Variants in SNX29 observed in about 807,000 individuals in gnomAD.
SNX29 encodes the protein sorting nexin-29.
SNX29 carries 78 observed loss-of-function variants against 102.1 expected under a neutral mutation model. That is an observed-to-expected ratio of 0.76 (90% confidence interval 0.64 to 0.92). SNX29 has a LOEUF of 0.92. Ranked by LOEUF, SNX29 falls within the 40% of genes least tolerant of loss-of-function variation. The pLI is 0.00. For synonymous variants in SNX29, 580 were observed against 414.5 expected (o/e 1.40, Z -4.85); for missense variants, 1,280 against 1,061.7 (o/e 1.21, Z -2.86).
chr16:12,561,968 CAG>C (rs531021961), intron 20 of SNX29, among the ~76,000 whole-genome samples: 6 of 152,262 alleles, frequency 3.9e-5, no homozygotes, highest in East Asian at 3.9e-4. Flanking sequence ...ATGATGTCCC[CAG>C]AGTGTCTACC....
chr16:12,471,633 A>C (rs957922694), intron 18 of SNX29, among the ~76,000 whole-genome samples: 1 of 152,204 alleles, frequency 6.6e-6, no homozygotes, highest in Non-Finnish European at 1.5e-5. Flanking sequence ...TGGCTTAGAC[A>C]TCCCTGCCCC....
At chr16:12,567,994 T>C (rs561543075) in intron 20 of SNX29, among the ~76,000 whole-genome samples, 1 of 152,310 alleles carries the variant, frequency 6.6e-6, no homozygotes, top group Admixed American at 6.5e-5. Flanking sequence ...TTCCTGGCTC[T>C]TAAACACAAT....
chr16:12,199,734 C>T (rs897332843), intron 14 of SNX29, 51 bp downstream of exon 14: 9 of 1,491,206 alleles, frequency 6.0e-6, no homozygotes, highest in East Asian at 2.3e-5. Context: ...TTTCCATTAA[C>T]ACCTGTACGT....
intron 3 of SNX29, among the ~76,000 whole-genome samples, chr16:12,009,402 G>A (rs1218277477): frequency 6.7e-6 from 1 of 150,334 alleles, no homozygotes. Context: ...GTATGTGTGT[G>A]AGAGATATAT....
At chr16:12,324,607 A>C (rs978099368) in intron 15 of SNX29, among the ~76,000 whole-genome samples, 1 of 152,008 alleles carries the variant, frequency 6.6e-6, no homozygotes, top group African/African-American at 2.4e-5. Flanking sequence ...TGGGTGAGCA[A>C]AACCTGTTTG....
intron 18 of SNX29, among the ~76,000 whole-genome samples, chr16:12,454,829 G>A (rs2086466384): frequency 6.6e-6 from 1 of 151,116 alleles, no homozygotes; most frequent in Non-Finnish European, 1.5e-5. Context: ...AGGCACTTCT[G>A]CCTCAGCCTC....
At chr16:12,462,141 G>A (rs1276539504) in intron 18 of SNX29, among the ~76,000 whole-genome samples, 5 of 150,806 alleles carry the variant, frequency 3.3e-5, no homozygotes, top group Non-Finnish European at 1.5e-5. Context: ...TCTGGGTGCT[G>A]GGCTCGATCT....
At chr16:12,503,337 G>A (rs1411766179) in intron 19 of SNX29, among the ~76,000 whole-genome samples, 2 of 152,212 alleles carry the variant, frequency 1.3e-5, no homozygotes, top group African/African-American at 4.8e-5. Flanking sequence ...GCTGCTCCAG[G>A]TGCAGTCTAG....
At chr16:12,505,127 C>G (rs1225952559) in intron 19 of SNX29, among the ~76,000 whole-genome samples, 1 of 152,034 alleles carries the variant, frequency 6.6e-6, no homozygotes, top group African/African-American at 2.4e-5. Context: ...GAGGAAAAAA[C>G]AAAAAGAGAC....
intron 18 of SNX29, among the ~76,000 whole-genome samples, chr16:12,417,735 C>G (rs1030679905): frequency 6.6e-6 from 1 of 151,994 alleles, no homozygotes; most frequent in Non-Finnish European, 1.5e-5. Context: ...CTTCCTCCCA[C>G]TTCTTGTCTC....
At chr16:12,150,217 A>T (rs922999567) in intron 13 of SNX29, among the ~76,000 whole-genome samples, 1 of 152,162 alleles carries the variant, frequency 6.6e-6, no homozygotes, top group Non-Finnish European at 1.5e-5. Context: ...GGAGGAGGCC[A>T]GGGTCGGAGG....
intron 15 of SNX29, among the ~76,000 whole-genome samples, chr16:12,324,144 C>A (rs1007190274): frequency 7.9e-5 from 12 of 151,908 alleles, no homozygotes; most frequent in Non-Finnish European, 1.8e-4. Context: ...GGGACCTGTT[C>A]TAGGCATTTT....
At chr16:12,272,212 T>C (rs1212622476) in intron 14 of SNX29, among the ~76,000 whole-genome samples, 1 of 152,202 alleles carries the variant, frequency 6.6e-6, no homozygotes, top group Non-Finnish European at 1.5e-5. Context: ...TTCTTAAATA[T>C]AGTCCTAGAG....
At chr16:12,040,821 A>G (rs1026429563) in intron 4 of SNX29, among the ~76,000 whole-genome samples, 25 of 152,360 alleles carry the variant, frequency 1.6e-4, no homozygotes, top group South Asian at 6.2e-4. Flanking sequence ...ACACTCATAC[A>G]ATATGATGTG....
intron 15 of SNX29, among the ~76,000 whole-genome samples, chr16:12,334,271 G>T (rs1052896557): frequency 6.6e-6 from 1 of 152,126 alleles, no homozygotes; most frequent in East Asian, 1.9e-4. Flanking sequence ...CTTAGCTTGG[G>T]GCAACTTTCA....
intron 13 of SNX29, among the ~76,000 whole-genome samples, chr16:12,139,518 G>A (rs554154230): frequency 6.6e-6 from 1 of 152,320 alleles, no homozygotes; most frequent in African/African-American, 2.4e-5. Flanking sequence ...ACTGAGAAAT[G>A]TCAATTCTTC....
chr16:12,518,735 C>A (rs550841232), intron 19 of SNX29, among the ~76,000 whole-genome samples: 1 of 152,194 alleles, frequency 6.6e-6, no homozygotes, highest in African/African-American at 2.4e-5. Flanking sequence ...GCCTGGTGGG[C>A]CATGTCAGCT....
At chr16:12,373,371 C>A (rs1331349855) in intron 16 of SNX29, among the ~76,000 whole-genome samples, 1 of 152,114 alleles carries the variant, frequency 6.6e-6, no homozygotes, top group Non-Finnish European at 1.5e-5. Flanking sequence ...CTCAAGTGAT[C>A]CTCCTGCCTC....
chr16:12,539,799 T>C (rs2077242929), intron 20 of SNX29, among the ~76,000 whole-genome samples: 1 of 152,188 alleles, frequency 6.6e-6, no homozygotes, highest in African/African-American at 2.4e-5. Context: ...TTGAGCATAT[T>C]TTCATGTGGA....
Sources: allele counts gnomAD v4.1 joint callset (sites outside exome capture counted in the v4.1 genomes callset), GRCh38; gene constraint gnomAD v4.1.1; transcripts MANE v1.5; gene names NCBI Gene and HGNC (gene_info 2026-07-23, HGNC 2026-07-21).